Variants in RALYL observed in about 807,000 individuals in gnomAD.
The protein encoded by RALYL is RNA-binding Raly-like protein.
RALYL carries 29 observed loss-of-function variants against 35.1 expected under a neutral mutation model. That is an observed-to-expected ratio of 0.83 (90% CI 0.61 to 1.13). RALYL has a LOEUF of 1.13. Among genes scored for constraint, RALYL ranks in the 50% most tolerant of loss-of-function variants. The pLI is 0.00. For missense variants in RALYL, 359 were observed against 360.4 expected (o/e 1.00, Z 0.03); for synonymous variants, 120 against 127.6 (o/e 0.94, Z 0.40).
intron 1 of RALYL, among the ~76,000 whole-genome samples, chr8:84,405,489 A>G (rs1237747051): frequency 6.6e-6 from 1 of 152,182 alleles, no homozygotes; most frequent in African/African-American, 2.4e-5. Flanking sequence ...AAAAGAGAGA[A>G]GAATCATATA....
intron 2 of RALYL, among the ~76,000 whole-genome samples, chr8:84,550,342 A>G (rs967282593): frequency 6.6e-6 from 1 of 152,158 alleles, no homozygotes; most frequent in African/African-American, 2.4e-5. Context: ...ATATCAAAGA[A>G]GTTGCTACAA....
At chr8:84,198,498 T>C (rs964641518) in intron 1 of RALYL, among the ~76,000 whole-genome samples, 1 of 152,192 alleles carries the variant, frequency 6.6e-6, no homozygotes, top group African/African-American at 2.4e-5. Flanking sequence ...GCATTTACCC[T>C]TTGTGTTACA....
intron 1 of RALYL, among the ~76,000 whole-genome samples, chr8:84,347,780 G>A (rs1850111673): frequency 6.6e-6 from 1 of 152,072 alleles, no homozygotes; most frequent in South Asian, 2.1e-4. Flanking sequence ...CCTCTGCACA[G>A]GATTAGCATC....
At chr8:84,880,225 G>A (rs558648992) in intron 7 of RALYL, among the ~76,000 whole-genome samples, 1 of 152,132 alleles carries the variant, frequency 6.6e-6, no homozygotes, top group South Asian at 2.1e-4. Flanking sequence ...CAGAAAATTT[G>A]CCTCTCAAAT....
intron 1 of RALYL, among the ~76,000 whole-genome samples, chr8:84,491,085 A>G (rs1266656540): frequency 6.6e-6 from 1 of 151,924 alleles, no homozygotes; most frequent in South Asian, 2.1e-4. Flanking sequence ...TCCTCTGTCT[A>G]TATAAGTAAT....
At position 84,226,185 on chromosome 8, in the gene RALYL, C is replaced by G. The variant is rs375355856; in HGVS notation, c.-24+41761C>G. ...ACCCTATTGTCAACTGTGCATGCAA[C>G]GGATCTAGGTTGCATGCTTCTTATG... On this transcript the variant is annotated intron_variant, in intron 1 of 8. Transcript: ENST00000521268. Among the ~76,000 whole-genome samples the G allele has an allele frequency of 3.3e-5, 5 of 152,186 alleles. No homozygotes were observed. The East Asian group carries it at 7.8e-4, about 24-fold the overall frequency.
chr8:84,431,345 C>T (rs2047119258), intron 1 of RALYL, among the ~76,000 whole-genome samples: 5 of 152,156 alleles, frequency 3.3e-5, no homozygotes, highest in Admixed American at 3.3e-4. Context: ...CCACCACTCA[C>T]CACAAAGTTA....
At chr8:84,377,061 A>G (rs146007289) in intron 1 of RALYL, among the ~76,000 whole-genome samples, 2 of 151,986 alleles carry the variant, frequency 1.3e-5, no homozygotes, top group East Asian at 3.9e-4. Flanking sequence ...GAGTTAATAA[A>G]ATTGTGGCTG....
intron 3 of RALYL, among the ~76,000 whole-genome samples, chr8:84,781,921 T>G (rs1272504439): frequency 1.3e-5 from 2 of 152,114 alleles, no homozygotes; most frequent in African/African-American, 4.8e-5. Flanking sequence ...CTAACTCTGT[T>G]TTCTGATGTA....
rs952914360 is a variant in RALYL, at chr8:84,790,942, C to T, written c.333-13828C>T. On this transcript the variant is annotated intron_variant, in intron 3 of 8. Transcript: ENST00000521268. ...CAATTTCATTTAGGTTATAATTCACCGTGTACTGAGAAACCTTTAGGCTGA... is the reference window on the plus strand; with the variant it reads ...CAATTTCATTTAGGTTATAATTCACTGTGTACTGAGAAACCTTTAGGCTGA... Among the ~76,000 whole-genome samples, 4 of 152,026 alleles carry T rather than the reference C, an allele frequency of 2.6e-5. No homozygotes were observed. The East Asian group carries it at 5.8e-4, about 22-fold the overall frequency.
intron 1 of RALYL, among the ~76,000 whole-genome samples, chr8:84,224,877 G>A (rs1375117617): frequency 1.3e-5 from 2 of 152,204 alleles, no homozygotes; most frequent in East Asian, 3.9e-4. Context: ...GGCTGGTCTC[G>A]AACTTCTGAC....
intron 1 of RALYL, among the ~76,000 whole-genome samples, chr8:84,261,751 ACAAT>A (rs1241211042): frequency 6.6e-6 from 1 of 152,186 alleles, no homozygotes; most frequent in Non-Finnish European, 1.5e-5. Flanking sequence ...CATTTTCTAG[ACAAT>A]CAATGCATGC....
At chr8:84,850,536 T>C (rs1835632602) in intron 5 of RALYL, among the ~76,000 whole-genome samples, 2 of 152,232 alleles carry the variant, frequency 1.3e-5, no homozygotes, top group South Asian at 4.1e-4. Context: ...TGTCTCATGA[T>C]CTTAAACATG....
Position 84,220,669 on chromosome 8 carries a change from C to T in RALYL, c.-24+36245C>T, listed in dbSNP as rs182226149. Reference sequence around the variant, plus strand: ...TTGAATTAGCCAATATTTTATTTCCCCCAGGTGATGAAAGTAGACACTTTT... The same window carrying T: ...TTGAATTAGCCAATATTTTATTTCCTCCAGGTGATGAAAGTAGACACTTTT... On this transcript the variant is annotated intron_variant, in intron 1 of 8. Coordinates refer to ENST00000521268, the MANE Select transcript of RALYL (RefSeq NM_173848.7). Among the ~76,000 whole-genome samples the T allele has an allele frequency of 2.5e-3, 381 of 151,860 alleles. 1 individual carries two copies. Among genetic ancestry groups the T allele is most frequent in the African/African-American group, 8.2e-3 (338 of 41,470 alleles).
intron 8 of RALYL, among the ~76,000 whole-genome samples, chr8:84,902,907 G>A (rs183682306): frequency 8.3e-4 from 127 of 152,168 alleles, no homozygotes; most frequent in African/African-American, 3.0e-3. Flanking sequence ...CCAATTATAG[G>A]AAGTTTTAGT....
intron 2 of RALYL, among the ~76,000 whole-genome samples, chr8:84,750,680 G>A (rs182133198): frequency 6.6e-6 from 1 of 152,208 alleles, no homozygotes; most frequent in Admixed American, 6.5e-5. Flanking sequence ...GAATTAATGG[G>A]TTATTATGGA....
chr8:84,875,136 A>G (rs1472363876), intron 7 of RALYL, among the ~76,000 whole-genome samples: 1 of 152,140 alleles, frequency 6.6e-6, no homozygotes, highest in Admixed American at 6.6e-5. Flanking sequence ...CATGCTGTCT[A>G]TGGCACTGAA....
chr8:84,742,590 C>T (rs1807634532), intron 2 of RALYL, among the ~76,000 whole-genome samples: 1 of 152,002 alleles, frequency 6.6e-6, no homozygotes, highest in African/African-American at 2.4e-5. Context: ...ATGGCTGTGA[C>T]TCCAGAAGGA....
intron 1 of RALYL, among the ~76,000 whole-genome samples, chr8:84,242,230 A>G (rs2131579661): frequency 6.6e-6 from 1 of 152,112 alleles, no homozygotes; most frequent in Admixed American, 6.5e-5. Flanking sequence ...TATGTACCAC[A>G]TTTTCTTTAT....
Sources: gnomAD v4.1 joint callset for allele counts (sites outside exome capture counted in the v4.1 genomes callset) on GRCh38, gnomAD v4.1.1 for gene constraint, MANE v1.5 for transcripts, NCBI Gene and HGNC (gene_info 2026-07-23, HGNC 2026-07-21) for gene names.